The following NAALADL2 variants were observed in gnomAD, a reference collection of about 807,000 sequenced individuals.
NAALADL2 encodes the protein N-acetylated alpha-linked acidic dipeptidase like 2, also known as inactive N-acetylated-alpha-linked acidic dipeptidase-like protein 2.
Under a neutral mutation model 87.2 loss-of-function variants are expected in NAALADL2, and 76 were observed. The observed-to-expected ratio is 0.87, with a 90% CI of 0.72 to 1.05. NAALADL2 has a LOEUF of 1.05. Ranked by LOEUF, NAALADL2 falls within the 50% of genes least tolerant of loss-of-function variation. The pLI is 0.00. For missense variants in NAALADL2, 1,089 were observed against 945.8 expected (o/e 1.15, Z -1.99); for synonymous variants, 354 against 331.0 (o/e 1.07, Z -0.75).
chr3:174,837,229 C>A (rs548372768), intron 3 of NAALADL2, among the ~76,000 whole-genome samples: 25 of 152,116 alleles, frequency 1.6e-4, no homozygotes, highest in South Asian at 1.5e-3. Flanking sequence ...AAGATAAATA[C>A]AATTGATAGA....
intron 2 of NAALADL2, among the ~76,000 whole-genome samples, chr3:174,642,087 T>C (rs1231969357): frequency 6.6e-6 from 1 of 152,180 alleles, no homozygotes; most frequent in Admixed American, 6.5e-5. Flanking sequence ...TTACAGGACA[T>C]GGCCCTTAAT....
chr3:174,926,472 A>T (rs748301080), intron 1 of NAALADL2, among the ~76,000 whole-genome samples: 2 of 152,216 alleles, frequency 1.3e-5, no homozygotes, highest in Non-Finnish European at 2.9e-5. Context: ...CGGGTTACCC[A>T]CAAAGAGAAG....
chr3:174,975,440 T>C (rs2108625957), intron 1 of NAALADL2, among the ~76,000 whole-genome samples: 1 of 152,256 alleles, frequency 6.6e-6, no homozygotes, highest in African/African-American at 2.4e-5. Context: ...AAGATTTCCA[T>C]CTCCTGGTGT....
intron 2 of NAALADL2, among the ~76,000 whole-genome samples, chr3:175,153,220 C>T (rs1027788224): frequency 9.2e-5 from 14 of 152,144 alleles, no homozygotes; most frequent in Admixed American, 6.5e-5. Context: ...TGGTGTCTAG[C>T]CTTTCCAGCC....
intron 1 of NAALADL2, among the ~76,000 whole-genome samples, chr3:174,895,121 C>T (rs923223468): frequency 1.3e-5 from 2 of 151,042 alleles, no homozygotes; most frequent in African/African-American, 4.9e-5. Context: ...TCTTAAAGAA[C>T]TAGAAAAGGA....
intron 6 of NAALADL2, among the ~76,000 whole-genome samples, chr3:175,456,511 A>C (rs1722344427): frequency 6.6e-6 from 1 of 152,030 alleles, no homozygotes; most frequent in African/African-American, 2.4e-5. Flanking sequence ...ACTGCCCCTA[A>C]ATGTTCTCCA....
chr3:175,426,401 AT>A (rs1229552071), intron 5 of NAALADL2, among the ~76,000 whole-genome samples: 1 of 152,148 alleles, frequency 6.6e-6, no homozygotes, highest in Non-Finnish European at 1.5e-5. Context: ...CTTACGTTGT[AT>A]CATTGTTATG....
chr3:175,407,487 A>G (rs866164628), intron 5 of NAALADL2, among the ~76,000 whole-genome samples: 4 of 152,202 alleles, frequency 2.6e-5, no homozygotes, highest in African/African-American at 4.8e-5. Context: ...ACAAACCTCA[A>G]TGTGTATTAC....
intron 3 of NAALADL2, among the ~76,000 whole-genome samples, chr3:174,745,205 T>C (rs1370764401): frequency 6.6e-6 from 1 of 151,536 alleles, no homozygotes; most frequent in African/African-American, 2.4e-5. Flanking sequence ...GCTAGACTAA[T>C]AAAGTAGAAA....
chr3:175,091,820 A>T (rs1183337483), intron 1 of NAALADL2, among the ~76,000 whole-genome samples: 1 of 152,002 alleles, frequency 6.6e-6, no homozygotes, highest in East Asian at 1.9e-4. Context: ...ATGTTAGCCA[A>T]ACTTCTCTTT....
intron 2 of NAALADL2, among the ~76,000 whole-genome samples, chr3:174,559,328 A>T (rs1015980366): frequency 3.9e-5 from 6 of 152,066 alleles, no homozygotes; most frequent in Non-Finnish European, 7.4e-5. Context: ...CCCCCACCAT[A>T]CCATTGTGAA....
chr3:175,071,021 C>T (rs1488581612), intron 1 of NAALADL2, among the ~76,000 whole-genome samples: 1 of 151,982 alleles, frequency 6.6e-6, no homozygotes, highest in African/African-American at 2.4e-5. Context: ...TGTCTAAGAA[C>T]AGTGACCTTC....
chr3:175,497,082 AAT>A (rs1728922197), intron 9 of NAALADL2, among the ~76,000 whole-genome samples: 1 of 151,876 alleles, frequency 6.6e-6, no homozygotes, highest in African/African-American at 2.4e-5. Flanking sequence ...TTTTAATTTT[AAT>A]TTTTTTAGAG....
chr3:175,040,084 A>G (rs1184905685), intron 1 of NAALADL2, among the ~76,000 whole-genome samples: 1 of 152,128 alleles, frequency 6.6e-6, no homozygotes, highest in East Asian at 1.9e-4. Context: ...TACAAGCTCC[A>G]GTCTTGTGTC....
intron 2 of NAALADL2, among the ~76,000 whole-genome samples, chr3:175,125,204 G>T (rs1726765747): frequency 6.6e-6 from 1 of 151,910 alleles, no homozygotes; most frequent in South Asian, 2.1e-4. Context: ...TAAATGGATG[G>T]TTTAATTTCA....
At chr3:174,961,793 A>G (rs762593872) in intron 1 of NAALADL2, among the ~76,000 whole-genome samples, 6 of 152,068 alleles carry the variant, frequency 3.9e-5, no homozygotes, top group Non-Finnish European at 5.9e-5. Flanking sequence ...AGAAAGATAC[A>G]TATGTTAAAC....
At chr3:175,130,709 T>C (rs1342361584) in intron 2 of NAALADL2, among the ~76,000 whole-genome samples, 1 of 152,258 alleles carries the variant, frequency 6.6e-6, no homozygotes, top group Non-Finnish European at 1.5e-5. Flanking sequence ...TTAAGCCATC[T>C]AATTTGACAC....
At chr3:175,021,705 T>C (rs1464784469) in intron 1 of NAALADL2, among the ~76,000 whole-genome samples, 1 of 152,148 alleles carries the variant, frequency 6.6e-6, no homozygotes, top group Non-Finnish European at 1.5e-5. Flanking sequence ...GTTGTATTGC[T>C]CTTTAATAGG....
chr3:175,155,572 T>C (rs554733237), intron 2 of NAALADL2, among the ~76,000 whole-genome samples: 1 of 152,210 alleles, frequency 6.6e-6, no homozygotes, highest in East Asian at 1.9e-4. Flanking sequence ...TTTTCTTGTC[T>C]TTTTTTTCTT....
Sources: gnomAD v4.1 joint callset for allele counts (sites outside exome capture counted in the v4.1 genomes callset) on GRCh38, gnomAD v4.1.1 for gene constraint, MANE v1.5 for transcripts, NCBI Gene and HGNC (gene_info 2026-07-23, HGNC 2026-07-21) for gene names.